Variants in VWA8 observed in about 807,000 individuals in gnomAD.
VWA8 encodes the protein von Willebrand factor A domain containing 8.
Under a neutral mutation model 241.5 loss-of-function variants are expected in VWA8, and 221 were observed. The ratio of observed to expected loss-of-function variants is 0.91; its 90% CI spans 0.82 to 1.02. The LOEUF (loss-of-function observed/expected upper bound fraction) is 1.02. Ranked by LOEUF, VWA8 falls within the 50% of genes least tolerant of loss-of-function variation. The pLI is 0.00. For missense variants in VWA8, 2,322 were observed against 2,328.7 expected, an observed-to-expected ratio of 1.00 and a Z score of 0.06; for synonymous variants, 852 against 827.1, an observed-to-expected ratio of 1.03 and a Z score of -0.52.
At chr13:41,866,273 C>T (rs1873298104) in intron 10 of VWA8, among the ~76,000 whole-genome samples, 1 of 151,750 alleles carries the variant, frequency 6.6e-6, no homozygotes, top group Non-Finnish European at 1.5e-5. Flanking sequence ...CGCTTGAACC[C>T]AGGAGGCGGA....
intron 21 of VWA8, among the ~76,000 whole-genome samples, chr13:41,748,277 C>T (rs1175956953): frequency 1.3e-5 from 2 of 152,132 alleles, no homozygotes; most frequent in Non-Finnish European, 2.9e-5. Context: ...AATTTCAGAT[C>T]CTGTTATTGG....
intron 37 of VWA8, among the ~76,000 whole-genome samples, chr13:41,628,771 A>C (rs1398725583): frequency 6.6e-6 from 1 of 152,200 alleles, no homozygotes; most frequent in African/African-American, 2.4e-5. Flanking sequence ...GGCCGGGCAC[A>C]GTGGCTCACG....
intron 33 of VWA8, among the ~76,000 whole-genome samples, chr13:41,689,944 GTCAGTTAAAAAAAT>G (rs2045164521): frequency 6.6e-6 from 1 of 151,962 alleles, no homozygotes; most frequent in Non-Finnish European, 1.5e-5. Flanking sequence ...ATACTGATCT[GTCAGTTAAAAAAAT>G]TCAAGGACAG....
intron 4 of VWA8, among the ~76,000 whole-genome samples, chr13:41,894,673 A>G (rs1875013473): frequency 6.6e-6 from 1 of 152,214 alleles, no homozygotes; most frequent in South Asian, 2.1e-4. Flanking sequence ...CTCACAAAAT[A>G]TTTTAAAATG....
intron 42 of VWA8, among the ~76,000 whole-genome samples, chr13:41,578,394 T>C (rs2044363411): frequency 6.6e-6 from 1 of 152,142 alleles, no homozygotes; most frequent in Non-Finnish European, 1.5e-5. Context: ...CATCCAAATG[T>C]GGACCATTCC....
intron 26 of VWA8, among the ~76,000 whole-genome samples, chr13:41,710,848 G>A (rs2045311481): frequency 1.3e-5 from 2 of 152,192 alleles, no homozygotes; most frequent in Admixed American, 1.3e-4. Context: ...GAGAGGCCCT[G>A]GCAGGGGGAT....
intron 20 of VWA8, among the ~76,000 whole-genome samples, chr13:41,772,742 C>T (rs540117388): frequency 3.3e-5 from 5 of 152,306 alleles, no homozygotes; most frequent in Non-Finnish European, 4.4e-5. Context: ...AAATAAGGGG[C>T]AGGCTACTTT....
At chr13:41,948,069 C>G (rs1041054466) in intron 2 of VWA8, among the ~76,000 whole-genome samples, 6 of 148,056 alleles carry the variant, frequency 4.1e-5, no homozygotes, top group African/African-American at 1.5e-4. Flanking sequence ...CATATAAAAA[C>G]TTGCATATGG....
chr13:41,741,412 G>A (rs1434087505), intron 21 of VWA8, among the ~76,000 whole-genome samples: 1 of 152,052 alleles, frequency 6.6e-6, no homozygotes, highest in Non-Finnish European at 1.5e-5. Context: ...AATGGTTATG[G>A]CCCATTCCTT....
chr13:41,621,855 G>A (rs1212836145), intron 37 of VWA8, among the ~76,000 whole-genome samples: 1 of 152,150 alleles, frequency 6.6e-6, no homozygotes, highest in Admixed American at 6.6e-5. Context: ...GAAAGGAATT[G>A]GCATGTTCTT....
chr13:41,845,445 C>T (rs183020356), intron 12 of VWA8, among the ~76,000 whole-genome samples: 1 of 152,148 alleles, frequency 6.6e-6, no homozygotes, highest in East Asian at 1.9e-4. Flanking sequence ...CTTCATTCGA[C>T]CCAGCAATCC....
chr13:41,690,116 G>A (rs772465059), intron 33 of VWA8, 50 bp downstream of exon 33: 4 of 1,515,536 alleles, frequency 2.6e-6, no homozygotes, highest in South Asian at 1.2e-5. Context: ...GACAGTATAT[G>A]TACAAGCATG....
chr13:41,895,785 A>G (rs949373497), intron 4 of VWA8, among the ~76,000 whole-genome samples: 1 of 151,772 alleles, frequency 6.6e-6, no homozygotes, highest in African/African-American at 2.4e-5. Context: ...AAGATATAAC[A>G]AACTTCAGTT....
chr13:41,718,697 T>TTA lies in VWA8; in HGVS notation c.3116+892_3116+893dup, dbSNP rs68113840. Among the ~76,000 whole-genome samples, 1,345 of 148,566 alleles carry TTA rather than the reference T, an allele frequency of 9.1e-3. 14 individuals are homozygous for TTA. The highest frequency in any genetic ancestry group is 0.027 in the African/African-American group (1,110 of 40,804). On this transcript the variant is annotated intron_variant, in intron 26 of 44. Coordinates refer to ENST00000379310, the MANE Select transcript of VWA8 (RefSeq NM_015058.2). ...TATGGATGAGTATACACTTTGGAGA[T>TTA]TATATATATATATATATGCAACTTT... is the stretch of plus-strand genomic sequence containing the variant.
chr13:41,839,374 A>G (rs1466342148), intron 12 of VWA8, among the ~76,000 whole-genome samples: 1 of 152,064 alleles, frequency 6.6e-6, no homozygotes, highest in East Asian at 1.9e-4. Context: ...AGTTCCTTGT[A>G]GATTCTGGAT....
chr13:41,811,356 T>C lies in VWA8; in HGVS notation c.1948-16A>G, dbSNP rs1467746921. The stretch of plus-strand genomic sequence containing the variant: ...ATGATTGTGCCTATCAAAAGACAAA[T>C]ACATTGTGTTAAGAGTCTTGTTTCA... On this transcript the variant is annotated splice_polypyrimidine_tract_variant and intron_variant, in intron 16 of 44. Transcript: ENST00000379310. The C allele has an allele frequency of 5.0e-6, 8 of 1,595,832 alleles. No individual in the cohort carries two copies. The highest frequency in any genetic ancestry group is 2.2e-5 in the East Asian group (1 of 44,622).
chr13:41,819,233 T>C lies in VWA8; in HGVS notation c.1854A>G (p.Gln618=), dbSNP rs1223019477. ...TTCTTCTTACCTTTTCCTTAATCACTTGGATTTCTTCACTTTTCACAAGTG... is the reference window on the plus strand; with the variant it reads ...TTCTTCTTACCTTTTCCTTAATCACCTGGATTTCTTCACTTTTCACAAGTG... ...MKPLVKSEEI[Q]VIKEKVPNVP... Residue 618 remains glutamine, a synonymous_variant, in exon 15 of 45, where the codon CAA becomes CAG. Coordinates refer to ENST00000379310, the MANE Select transcript of VWA8 (RefSeq NM_015058.2). 1.9e-6 allele frequency: 3 copies of C among 1,602,246 alleles called. No homozygotes were observed. Among genetic ancestry groups the C allele is most frequent in the South Asian group, 1.1e-5 (1 of 87,394 alleles).
chr13:41,591,973 C>T (rs1239998754), intron 40 of VWA8, among the ~76,000 whole-genome samples: 21 of 146,080 alleles, frequency 1.4e-4, no homozygotes, highest in African/African-American at 4.5e-4. Context: ...TGGGTATATA[C>T]CCAAAGGATT....
chr13:41,937,849 T>G (rs1021673677), intron 2 of VWA8, among the ~76,000 whole-genome samples: 5 of 152,106 alleles, frequency 3.3e-5, no homozygotes, highest in African/African-American at 1.2e-4. Flanking sequence ...ACAAGAGGAA[T>G]TAAGCAGAAA....
Sources: allele counts gnomAD v4.1 joint callset (sites outside exome capture counted in the v4.1 genomes callset), GRCh38; gene constraint gnomAD v4.1.1; transcripts MANE v1.5; gene names NCBI Gene and HGNC (gene_info 2026-07-23, HGNC 2026-07-21).